PGCKA1: variants seen among roughly 807,000 people sequenced by gnomAD.
PGCKA1 encodes the protein PDCD10 and GCKIII kinases-associated protein 1.
At chr4:37,564,092 G>T in the PGCKA1 span, among the ~76,000 whole-genome samples, 3 of 151,900 alleles carry the variant, frequency 2.0e-5, no homozygotes, top group Non-Finnish European at 4.4e-5. Context: ...GGCCAACATA[G>T]TGAAACCCTG....
At chr4:37,577,961 C>A in the PGCKA1 span, among the ~76,000 whole-genome samples, 1 of 152,156 alleles carries the variant, frequency 6.6e-6, no homozygotes, top group Non-Finnish European at 1.5e-5. Context: ...TGTTTTGTGA[C>A]CTAACATATG....
chr4:37,587,282 C>G, the PGCKA1 span, among the ~76,000 whole-genome samples: 1 of 152,184 alleles, frequency 6.6e-6, no homozygotes, highest in Non-Finnish European at 1.5e-5. Context: ...AAATCCTACA[C>G]TTAATCACAT....
the PGCKA1 span, among the ~76,000 whole-genome samples, chr4:37,458,251 C>G: frequency 3.3e-5 from 5 of 152,150 alleles, no homozygotes; most frequent in Non-Finnish European, 7.3e-5. Flanking sequence ...GTTCCTACTT[C>G]TGACTAAAAA....
At chr4:37,472,397 G>A in the PGCKA1 span, among the ~76,000 whole-genome samples, 1 of 152,144 alleles carries the variant, frequency 6.6e-6, no homozygotes, top group Admixed American at 6.5e-5. Context: ...AAATAAAAGT[G>A]GGGGTAAGGG....
chr4:37,545,081 C>A, the PGCKA1 span, among the ~76,000 whole-genome samples: 3,687 of 152,162 alleles, frequency 0.024, 169 homozygotes, highest in African/African-American at 0.084. Flanking sequence ...GTCTCGAACT[C>A]CTGACCTCAA....
the PGCKA1 span, among the ~76,000 whole-genome samples, chr4:37,523,103 A>C: frequency 6.6e-6 from 1 of 152,088 alleles, no homozygotes; most frequent in Admixed American, 6.5e-5. Context: ...TTACTGGGAG[A>C]CACAGAGCAC....
the PGCKA1 span, among the ~76,000 whole-genome samples, chr4:37,562,647 A>G: frequency 1.0e-3 from 152 of 152,318 alleles, 1 homozygote; most frequent in South Asian, 8.9e-3. Flanking sequence ...ACCTTTGCCC[A>G]CAAGCCTTTT....
chr4:37,583,877 T>C, the PGCKA1 span, among the ~76,000 whole-genome samples: 1 of 152,218 alleles, frequency 6.6e-6, no homozygotes, highest in Non-Finnish European at 1.5e-5. Context: ...AATTTTGATT[T>C]TGCTCAGTAA....
At chr4:37,543,269 C>T in the PGCKA1 span, among the ~76,000 whole-genome samples, 1 of 152,160 alleles carries the variant, frequency 6.6e-6, no homozygotes, top group South Asian at 2.1e-4. Context: ...CCCTACCATA[C>T]ATAAGGAATG....
the PGCKA1 span, among the ~76,000 whole-genome samples, chr4:37,584,656 C>T: frequency 0.016 from 2,434 of 152,234 alleles, 50 homozygotes; most frequent in East Asian, 0.083. Context: ...TCACTTCATT[C>T]GGTGCAGGCT....
the PGCKA1 span, chr4:37,454,005 C>G: frequency 1.3e-5 from 2 of 158,808 alleles, no homozygotes; most frequent in Admixed American, 1.3e-4. Context: ...GCGCCGGGAC[C>G]CCGCCGCCGC....
the PGCKA1 span, among the ~76,000 whole-genome samples, chr4:37,481,090 T>C: frequency 6.6e-6 from 1 of 152,242 alleles, no homozygotes. Flanking sequence ...AGATTACCCT[T>C]TTCTTTTTCT....
At chr4:37,521,523 AG>A in the PGCKA1 span, among the ~76,000 whole-genome samples, 1 of 152,152 alleles carries the variant, frequency 6.6e-6, no homozygotes, top group South Asian at 2.1e-4. Context: ...TCATTTCTAT[AG>A]TTTTATTCTA....
the PGCKA1 span, among the ~76,000 whole-genome samples, chr4:37,506,740 G>C: frequency 1.3e-5 from 2 of 152,046 alleles, no homozygotes; most frequent in African/African-American, 4.8e-5. Flanking sequence ...CTAAGGAAAA[G>C]AATGTATATT....
chr4:37,497,099 C>T, the PGCKA1 span, among the ~76,000 whole-genome samples: 5 of 152,140 alleles, frequency 3.3e-5, no homozygotes, highest in African/African-American at 4.8e-5. Context: ...ACTCTTCCCT[C>T]CAAGTCCCCA....
At chr4:37,506,074 T>C in the PGCKA1 span, among the ~76,000 whole-genome samples, 1 of 152,228 alleles carries the variant, frequency 6.6e-6, no homozygotes, top group Non-Finnish European at 1.5e-5. Flanking sequence ...CATTGGCATA[T>C]AGTTGCTAAT....
the PGCKA1 span, among the ~76,000 whole-genome samples, chr4:37,550,647 C>T: frequency 5.2e-3 from 787 of 152,256 alleles, 19 homozygotes; most frequent in East Asian, 0.05. Flanking sequence ...GGTTCAAAGA[C>T]GCTCTCCAGA....
At chr4:37,511,543 G>T in the PGCKA1 span, among the ~76,000 whole-genome samples, 1 of 151,744 alleles carries the variant, frequency 6.6e-6, no homozygotes, top group Non-Finnish European at 1.5e-5. Flanking sequence ...TGACCAGTAC[G>T]CTATCATACT....
the PGCKA1 span, among the ~76,000 whole-genome samples, chr4:37,545,963 AATAAAG>A: frequency 6.6e-6 from 1 of 152,206 alleles, no homozygotes; most frequent in African/African-American, 2.4e-5. Context: ...TTTTTGAAGA[AATAAAG>A]ATAATGAGAC....
Sources: allele counts gnomAD v4.1 joint callset (sites outside exome capture counted in the v4.1 genomes callset), GRCh38; gene constraint gnomAD v4.1.1; transcripts MANE v1.5; gene names NCBI Gene and HGNC (gene_info 2026-07-23, HGNC 2026-07-21).